DGKB: variants seen among roughly 807,000 people sequenced by gnomAD.
The protein encoded by DGKB is diacylglycerol kinase beta.
In DGKB, 67 loss-of-function variants were observed where a neutral mutation model predicts 114.3. That is an observed-to-expected ratio of 0.59 (90% CI 0.48 to 0.72). DGKB has a LOEUF of 0.72. Among genes scored for constraint, DGKB ranks in the 30% least tolerant of loss-of-function variants. The pLI is 0.00. For synonymous variants in DGKB, 398 were observed against 323.1 expected (o/e 1.23, Z -2.49); for missense variants, 907 against 975.2 (o/e 0.93, Z 0.93).
chr7:14,683,930 C>G (rs1821253124), intron 10 of DGKB, among the ~76,000 whole-genome samples: 2 of 152,098 alleles, frequency 1.3e-5, no homozygotes, highest in African/African-American at 2.4e-5. Flanking sequence ...TATAATATCA[C>G]TCATCTTATT....
intron 2 of DGKB, among the ~76,000 whole-genome samples, chr7:14,793,580 A>T (rs1324521093): frequency 6.6e-6 from 1 of 152,164 alleles, no homozygotes; most frequent in African/African-American, 2.4e-5. Flanking sequence ...AATACTCAAC[A>T]GTTTTTATGA....
chr7:14,597,723 T>C (rs1187631841), intron 17 of DGKB, among the ~76,000 whole-genome samples: 1 of 152,122 alleles, frequency 6.6e-6, no homozygotes, highest in East Asian at 1.9e-4. Flanking sequence ...AGGGTTTTAT[T>C]ACTTGAGTCA....
At chr7:14,170,010 T>A (rs941230363) in intron 25 of DGKB, among the ~76,000 whole-genome samples, 6 of 151,300 alleles carry the variant, frequency 4.0e-5, no homozygotes, top group Admixed American at 3.9e-4. Flanking sequence ...GGCACATGCC[T>A]GTAATCCCAG....
intron 13 of DGKB, among the ~76,000 whole-genome samples, chr7:14,667,107 G>A (rs955404749): frequency 2.0e-5 from 3 of 152,036 alleles, no homozygotes; most frequent in Admixed American, 1.3e-4. Flanking sequence ...CAGTGCAGAG[G>A]AGATGCTTAC....
chr7:14,710,690 T>G (rs1169199899), intron 6 of DGKB, among the ~76,000 whole-genome samples: 1 of 152,112 alleles, frequency 6.6e-6, no homozygotes, highest in Admixed American at 6.6e-5. Context: ...TCGCTAAGAA[T>G]TTTTGCTATT....
At chr7:14,914,818 A>T (rs1459286938) in intron 1 of DGKB, among the ~76,000 whole-genome samples, 1 of 145,754 alleles carries the variant, frequency 6.9e-6, no homozygotes, top group African/African-American at 2.6e-5. Context: ...TCTAACAAAG[A>T]ATCAAAAGGA....
chr7:14,496,978 A>G (rs1214267894), intron 20 of DGKB, among the ~76,000 whole-genome samples: 5 of 151,818 alleles, frequency 3.3e-5, no homozygotes, highest in Middle Eastern at 3.2e-3. Context: ...AAAATGTGGT[A>G]TAATATATAC....
intron 1 of DGKB, among the ~76,000 whole-genome samples, chr7:14,855,906 A>G (rs1850074329): frequency 6.6e-6 from 1 of 152,022 alleles, no homozygotes; most frequent in Non-Finnish European, 1.5e-5. Flanking sequence ...TGAAGTATGT[A>G]GGACACACTA....
chr7:14,930,994 T>G (rs2128250820), intron 1 of DGKB, among the ~76,000 whole-genome samples: 1 of 152,374 alleles, frequency 6.6e-6, no homozygotes, highest in Non-Finnish European at 1.5e-5. Flanking sequence ...TCTGTTTATG[T>G]GTTGTATCAC....
chr7:14,194,915 G>C (rs1293235649), intron 23 of DGKB, among the ~76,000 whole-genome samples: 1 of 151,934 alleles, frequency 6.6e-6, no homozygotes, highest in Non-Finnish European at 1.5e-5. Flanking sequence ...GCGACCAAAG[G>C]AGTTCAGGGC....
intron 1 of DGKB, among the ~76,000 whole-genome samples, chr7:14,965,256 T>C (rs955663016): frequency 4.6e-5 from 7 of 152,166 alleles, no homozygotes; most frequent in Non-Finnish European, 1.0e-4. Context: ...TGGGAGATGG[T>C]TGTGTACACT....
chr7:14,286,188 A>ATCT (rs1466197432), intron 23 of DGKB, among the ~76,000 whole-genome samples: 3 of 152,110 alleles, frequency 2.0e-5, no homozygotes, highest in Non-Finnish European at 4.4e-5. Context: ...CATGAAATCT[A>ATCT]TCTTATAGAT....
At chr7:14,801,923 T>TAC (rs1272968730) in intron 2 of DGKB, among the ~76,000 whole-genome samples, 32 of 109,034 alleles carry the variant, frequency 2.9e-4, no homozygotes, top group African/African-American at 1.5e-3. Flanking sequence ...CATATATACA[T>TAC]ATACACACAC....
chr7:14,342,578 TA>T (rs1464849039), intron 22 of DGKB, among the ~76,000 whole-genome samples: 6 of 151,966 alleles, frequency 3.9e-5, no homozygotes, highest in Admixed American at 6.6e-5. Context: ...TAAATACATA[TA>T]TTTTTCAATC....
At chr7:14,722,072 TA>T (rs1829263326) in intron 5 of DGKB, among the ~76,000 whole-genome samples, 1 of 152,218 alleles carries the variant, frequency 6.6e-6, no homozygotes, top group African/African-American at 2.4e-5. Flanking sequence ...TCCACCAAAG[TA>T]GTACGTTAGT....
chr7:14,815,094 T>C (rs535582296), intron 2 of DGKB: 2 of 152,332 alleles, frequency 1.3e-5, no homozygotes, highest in African/African-American at 2.4e-5. Context: ...TGGATTGATA[T>C]AGAAAGTAAG....
intron 21 of DGKB, among the ~76,000 whole-genome samples, chr7:14,404,087 G>A (rs1190992023): frequency 6.6e-6 from 1 of 151,304 alleles, no homozygotes; most frequent in African/African-American, 2.4e-5. Context: ...CAGGCCAAAG[G>A]CATGCTTAGT....
intron 22 of DGKB, among the ~76,000 whole-genome samples, chr7:14,342,314 C>T (rs1262020550): frequency 3.3e-5 from 5 of 151,808 alleles, no homozygotes; most frequent in African/African-American, 1.2e-4. Flanking sequence ...CTTTCTTATT[C>T]TCTCATTAAC....
intron 2 of DGKB, among the ~76,000 whole-genome samples, chr7:14,817,627 T>C (rs1261440674): frequency 6.6e-6 from 1 of 152,192 alleles, no homozygotes; most frequent in Non-Finnish European, 1.5e-5. Flanking sequence ...AATTTACTCA[T>C]TTTTAGAATT....
Sources: allele counts gnomAD v4.1 joint callset (sites outside exome capture counted in the v4.1 genomes callset), GRCh38; gene constraint gnomAD v4.1.1; transcripts MANE v1.5; gene names NCBI Gene and HGNC (gene_info 2026-07-23, HGNC 2026-07-21).